Variants in TNRC6C observed in about 807,000 individuals in gnomAD.
The protein encoded by TNRC6C is trinucleotide repeat containing adaptor 6C.
Under a neutral mutation model 153.7 loss-of-function variants are expected in TNRC6C, and 20 were observed. The observed-to-expected ratio is 0.13, with a 90% CI of 0.09 to 0.19. TNRC6C has a LOEUF of 0.19. TNRC6C is among the 10% of genes least tolerant of loss of function. The pLI, the probability that TNRC6C is intolerant of heterozygous loss-of-function variation, is 1.00. For synonymous variants in TNRC6C, 811 were observed against 841.4 expected, an observed-to-expected ratio of 0.96 and a Z score of 0.63; for missense variants, 1,987 against 2,172.0, an observed-to-expected ratio of 0.91 and a Z score of 1.69.
intron 16 of TNRC6C, among the ~76,000 whole-genome samples, chr17:78,096,510 G>T (rs750040801): frequency 3.3e-5 from 5 of 152,242 alleles, no homozygotes; most frequent in Non-Finnish European, 5.9e-5. Context: ...GAGGTCCCTT[G>T]CAGCAGGGCA....
chr17:77,964,521 A>C (rs1193957774), intron 1 of TNRC6C, among the ~76,000 whole-genome samples: 2 of 152,198 alleles, frequency 1.3e-5, no homozygotes, highest in Non-Finnish European at 2.9e-5. Flanking sequence ...AAGATCTCTC[A>C]CAGCTAAAAT....
chr17:78,050,719 A>G lies in TNRC6C; in HGVS notation c.1657A>G (p.Lys553Glu), dbSNP rs2072511242. 3 of 1,583,000 alleles carry G rather than the reference A, an allele frequency of 1.9e-6. No homozygotes were observed. The highest frequency in any genetic ancestry group is 1.7e-6 in the Non-Finnish European group (2 of 1,163,378). Residue 553 changes from lysine to glutamate, a missense_variant, in exon 3 of 20, where the codon AAG becomes GAG. By Grantham distance (56) the Lys-to-Glu change is moderately conservative. This residue lies in a region of TNRC6C where 1,052 missense variants were observed against 1,017.0 expected (regional missense o/e 1.03). Coordinates refer to ENST00000301624, the Ensembl canonical transcript of TNRC6C. ...TGCTGTTAGTACTGCTGCTGCTGCC[A>G]AGAGTGGCCATGCTTGGAGTGGGGC...
intron 3 of TNRC6C, among the ~76,000 whole-genome samples, chr17:78,060,380 C>A (rs1328263355): frequency 1.3e-5 from 2 of 151,436 alleles, no homozygotes; most frequent in Non-Finnish European, 1.5e-5. Context: ...AATCTCATCT[C>A]ATTAATATTT....
In TNRC6C at chr17:77,962,626, G is replaced by T. The variant is rs184991641; in HGVS notation, c.-38+3358G>T. Among the ~76,000 whole-genome samples the T allele has an allele frequency of 1.8e-3, 280 of 152,346 alleles. 1 individual carries two copies. The highest frequency in any genetic ancestry group is 3.4e-3 in the Middle Eastern group (1 of 294). On this transcript the variant is annotated intron_variant, in intron 1 of 22. Transcript: ENST00000636222. ...AGGCGGAGTCCTGAACAGACTGAGC[G>T]TGAAAGGGTCTATATAAGCTGGGAA... is the stretch of plus-strand genomic sequence containing the variant.
chr17:78,065,138 C>T (rs902910977), intron 4 of TNRC6C, among the ~76,000 whole-genome samples: 1 of 152,030 alleles, frequency 6.6e-6, no homozygotes, highest in Non-Finnish European at 1.5e-5. Flanking sequence ...CGCTTGAGCG[C>T]AGGAGTTTGA....
At chr17:78,086,948 G>A (rs373105504) in exon 13 of TNRC6C, 24 of 1,611,626 alleles carry the variant, frequency 1.5e-5, no homozygotes, top group Admixed American at 3.3e-5. Flanking sequence ...CACCGCCACC[G>A]CCCCCGCCGC....
At chr17:78,063,269 AATAT>A (rs553498675) in intron 3 of TNRC6C, among the ~76,000 whole-genome samples, 3 of 147,898 alleles carry the variant, frequency 2.0e-5, no homozygotes, top group Non-Finnish European at 4.5e-5. Flanking sequence ...ATATATAAAT[AATAT>A]ATATATATGT....
At chr17:78,077,092 C>T in intron 8 of TNRC6C, 93 bp from the exon 11 acceptor site, 3 of 1,364,128 alleles carry the variant, frequency 2.2e-6, no homozygotes, top group Non-Finnish European at 2.0e-6. Flanking sequence ...ATTATTTATC[C>T]ATCCACGCCT....
intron 18 of TNRC6C, 67 bp downstream of exon 21, chr17:78,102,611 A>T (rs1367163520): frequency 8.7e-6 from 13 of 1,488,520 alleles, no homozygotes; most frequent in Non-Finnish European, 1.2e-5. Context: ...CCCCCAATGC[A>T]GATGAGGCTG....
chr17:78,003,286 A>G (rs1317920629), upstream of TNRC6C, among the ~76,000 whole-genome samples: 2 of 152,236 alleles, frequency 1.3e-5, no homozygotes, highest in Non-Finnish European at 2.9e-5. Flanking sequence ...ACCAAGGGTT[A>G]CTACAGAGTT....
At position 78,022,193 on chromosome 17, in the gene TNRC6C, C is replaced by T. The variant is rs191610459; in HGVS notation, c.-545-9323C>T. Among the ~76,000 whole-genome samples the T allele has an allele frequency of 2.6e-5, 4 of 152,316 alleles. No homozygotes were observed. The East Asian group carries it at 7.7e-4, about 29-fold the overall frequency. ...GGGCATTCTTACTTCACCTGCCAGT[C>T]CTGCCCTACTCACATAACAGTTATT... On this transcript the variant is annotated intron_variant, in intron 1 of 19. Coordinates refer to ENST00000301624, the Ensembl canonical transcript of TNRC6C.
chr17:78,077,476 G>A, intron 9 of TNRC6C, 142 bp downstream of exon 11: 1 of 1,104,514 alleles, frequency 9.1e-7, no homozygotes, highest in Non-Finnish European at 1.3e-6. Flanking sequence ...ATACTACCAG[G>A]ATTTCCCTTC....
chr17:78,005,497 T>A (rs1249237709), intron 1 of TNRC6C, among the ~76,000 whole-genome samples: 1 of 152,240 alleles, frequency 6.6e-6, no homozygotes, highest in Non-Finnish European at 1.5e-5. Flanking sequence ...CTTATTGATA[T>A]GTAAAAGATT....
intron 11 of TNRC6C, among the ~76,000 whole-genome samples, chr17:78,085,960 G>C (rs1016350125): frequency 6.6e-6 from 1 of 151,902 alleles, no homozygotes; most frequent in Admixed American, 6.6e-5. Context: ...TATTGACTCT[G>C]TGATTTTTTT....
At chr17:78,098,595 A>T in intron 17 of TNRC6C, 58 bp downstream of exon 20, 1 of 1,550,470 alleles carries the variant, frequency 6.4e-7, no homozygotes, top group Non-Finnish European at 8.7e-7. Context: ...GGATGTGCTT[A>T]TCACTTTGTC....
chr17:78,065,785 A>AT (rs1273779059), intron 4 of TNRC6C, among the ~76,000 whole-genome samples: 4 of 152,072 alleles, frequency 2.6e-5, no homozygotes, highest in African/African-American at 7.2e-5. Context: ...TTTTCCTCCC[A>AT]TTTTCTGAAA....
intron 1 of TNRC6C, among the ~76,000 whole-genome samples, chr17:78,022,420 T>A (rs1323757076): frequency 5.9e-5 from 9 of 152,262 alleles, no homozygotes; most frequent in African/African-American, 2.2e-4. Flanking sequence ...TACTTCTTCC[T>A]TTCTGTAGCA....
chr17:78,082,820 G>A (rs1387205447), intron 10 of TNRC6C, among the ~76,000 whole-genome samples: 1 of 152,204 alleles, frequency 6.6e-6, no homozygotes, highest in Non-Finnish European at 1.5e-5. Flanking sequence ...ATCACGCGCT[G>A]TTGGCTCATT....
upstream of TNRC6C, among the ~76,000 whole-genome samples, chr17:77,958,351 C>G (rs1212996935): frequency 6.6e-6 from 1 of 151,122 alleles, no homozygotes; most frequent in South Asian, 2.1e-4. Flanking sequence ...CTCCACGTAA[C>G]CCCCCCGAGC....
Sources: allele counts gnomAD v4.1 joint callset (sites outside exome capture counted in the v4.1 genomes callset), GRCh38; gene constraint gnomAD v4.1.1; regional missense constraint gnomAD v4.1.1; transcripts MANE v1.5; gene names NCBI Gene and HGNC (gene_info 2026-07-23, HGNC 2026-07-21).